The following PROSER2 variants were observed in gnomAD, a reference collection of about 807,000 sequenced individuals.
The protein encoded by PROSER2 is proline and serine-rich protein 2.
Under a neutral mutation model 14.6 loss-of-function variants are expected in PROSER2, and 18 were observed. That is an observed-to-expected ratio of 1.23 (90% CI 0.85 to 1.83). The LOEUF (loss-of-function observed/expected upper bound fraction) is 1.83. PROSER2 is among the 40% of genes most tolerant of loss of function. The probability of loss-of-function intolerance (pLI) is 0.00; values close to 1 mark genes in which losing one functional copy is unlikely to be tolerated. For synonymous variants in PROSER2, 367 were observed against 286.4 expected, an observed-to-expected ratio of 1.28 and a Z score of -2.84; for missense variants, 823 against 629.8, an observed-to-expected ratio of 1.31 and a Z score of -3.28.
Position 11,862,006 on chromosome 10 carries a change from C to T in PROSER2, c.139-4525C>T, listed in dbSNP as rs1252739631. On this transcript the variant is annotated intron_variant, in intron 2 of 3. Transcript: ENST00000277570. The surrounding 1 kb of genome is among the most constrained non-coding windows in gnomAD (Gnocchi z 4.2). Reference sequence around the variant, plus strand: ...AGCGCATCAGACTCCCTGGAGGCTGCGTCCAACACAGACTGACAGGCCCAG... The same window carrying T: ...AGCGCATCAGACTCCCTGGAGGCTGTGTCCAACACAGACTGACAGGCCCAG... 1.3e-5 allele frequency among the ~76,000 whole-genome samples: 2 copies of T among 152,230 alleles called. No individual in the cohort carries two copies. The highest frequency in any genetic ancestry group is 2.4e-5 in the African/African-American group (1 of 41,462).
At chr10:11,859,787 A>G (rs1252577444) in intron 2 of PROSER2, among the ~76,000 whole-genome samples, 1 of 152,214 alleles carries the variant, frequency 6.6e-6, no homozygotes, top group Non-Finnish European at 1.5e-5. Flanking sequence ...TATACATTCA[A>G]TGGCATTTAG....
At chr10:11,853,079 C>T (rs1408127663) in intron 2 of PROSER2, among the ~76,000 whole-genome samples, 5 of 152,078 alleles carry the variant, frequency 3.3e-5, no homozygotes, top group African/African-American at 7.2e-5. Flanking sequence ...AATGGTCCCC[C>T]GGGCCTCACT....
Position 11,862,047 on chromosome 10 carries a change from A to G in PROSER2, c.139-4484A>G, listed in dbSNP as rs1834251870. ...ACAGGCCCAGCGCCTGAGAGTTTCT[A>G]ATGCGGCAGGTCTGGGATCGGACCC... On this transcript the variant is annotated intron_variant, in intron 2 of 3. Transcript: ENST00000277570. This position sits in a 1 kb window ranked among gnomAD's most constrained non-coding sequence, Gnocchi z 4.2. 6.6e-6 allele frequency among the ~76,000 whole-genome samples: 1 copy of G among 152,200 alleles called. No homozygotes were observed. The highest frequency in any genetic ancestry group is 2.4e-5 in the African/African-American group (1 of 41,446).
intron 1 of PROSER2, among the ~76,000 whole-genome samples, chr10:11,834,423 C>T (rs71487596): frequency 0.23 from 34,408 of 151,666 alleles, 4,114 homozygotes; most frequent in South Asian, 0.31. Flanking sequence ...CTTGGCAGTA[C>T]AGATGAGGAA....
intron 2 of PROSER2, among the ~76,000 whole-genome samples, chr10:11,864,234 A>G (rs1192888051): frequency 1.3e-5 from 2 of 152,050 alleles, no homozygotes; most frequent in Non-Finnish European, 1.5e-5. Context: ...TTGAGCCCCC[A>G]TTGTCTCCCG....
Position 11,865,755 on chromosome 10 carries a change from C to T in PROSER2, c.139-776C>T, listed in dbSNP as rs1834331423. 6.6e-6 allele frequency among the ~76,000 whole-genome samples: 1 copy of T among 152,226 alleles called. No individual in the cohort carries two copies. Among genetic ancestry groups the T allele is most frequent in the Non-Finnish European group, 1.5e-5 (1 of 68,044 alleles). On this transcript the variant is annotated intron_variant, in intron 2 of 3. Coordinates refer to ENST00000277570, the MANE Select transcript of PROSER2 (RefSeq NM_153256.4). The surrounding 1 kb of genome is among the most constrained non-coding windows in gnomAD (Gnocchi z 4.2). ...CCGTCAGCTTTGCTCCGTGGCCCCA[C>T]TTCAGGGTTCCTCTGTCACCTTTTT... is the stretch of plus-strand genomic sequence containing the variant.
At position 11,842,931 on chromosome 10, in the gene PROSER2, C is replaced by CTTTT. The variant is rs558283551; in HGVS notation, c.-81-9042_-81-9039dup. On this transcript the variant is annotated intron_variant, in intron 1 of 3. Coordinates refer to ENST00000277570, the MANE Select transcript of PROSER2 (RefSeq NM_153256.4). Reference sequence around the variant, plus strand: ...TTTTCTATACTATTTTGCCATTGTTCTTTTTTTTTTTTTTTTTTTTTTTTT... The same window carrying CTTTT: ...TTTTCTATACTATTTTGCCATTGTTCTTTTTTTTTTTTTTTTTTTTTTTTTTTTT... 6.5e-4 allele frequency among the ~76,000 whole-genome samples: 34 copies of CTTTT among 51,954 alleles called. 6 individuals are homozygous for CTTTT. Among genetic ancestry groups the CTTTT allele is most frequent in the East Asian group, 1.1e-3 (2 of 1,900 alleles). 34.1% of individuals were successfully genotyped at this position (51,954 alleles called of 152,430 possible). A position where few individuals can be genotyped will look rare whatever the true frequency, so the allele number is the denominator to read the frequency against.
At chr10:11,832,046 T>C (rs539982203) in intron 1 of PROSER2, among the ~76,000 whole-genome samples, 27 of 152,236 alleles carry the variant, frequency 1.8e-4, no homozygotes, top group Non-Finnish European at 3.4e-4. Flanking sequence ...GCATGATCAT[T>C]CTTCCAGGAA....
In PROSER2 at chr10:11,869,534, A is replaced by C. The variant is rs1834420819; in HGVS notation, c.436A>C (p.Thr146Pro). 1 of 1,612,072 alleles carries C rather than the reference A, an allele frequency of 6.2e-7. No individual in the cohort carries two copies. Among genetic ancestry groups the C allele is most frequent in the African/African-American group, 1.3e-5 (1 of 74,258 alleles). ...GKEHRKQDAE[T>P]PPPPDPPAPE... ...GGAGCACAGGAAACAAGATGCTGAG[A>C]CTCCTCCACCTCCAGACCCCCCGGC... Residue 146 changes from threonine (T) to proline (P), a missense_variant, in exon 4 of 4, where the codon ACT (threonine) becomes CCT (proline). By Grantham distance (38) the Thr-to-Pro change is conservative. Coordinates refer to ENST00000277570, the MANE Select transcript of PROSER2 (RefSeq NM_153256.4). This position sits in a 1 kb window ranked among gnomAD's most constrained non-coding sequence, Gnocchi z 4.4.
At position 11,870,492 on chromosome 10, in the gene PROSER2, T is replaced by C. The variant is rs1834464321; in HGVS notation, c.*86T>C. The C allele has an allele frequency of 6.7e-6, 8 of 1,197,848 alleles. No individual in the cohort carries two copies. In the South Asian group the frequency reaches 1.5e-4, roughly 23 times the overall value. The allele number at this position is 1,197,848 out of a possible 1,614,324, so 74.2% of individuals were successfully genotyped here. A position where few individuals can be genotyped will look rare whatever the true frequency, so the allele number is the denominator to read the frequency against. On this transcript the variant is annotated 3_prime_UTR_variant, in exon 4 of 4. Transcript: ENST00000277570. ...CGCTGCACCCAGGAGCTGTTTGGTC[T>C]AAAATGGAAGTGACAGCGGGAGCCC...
At chr10:11,839,876 A>C (rs1833812576) in intron 1 of PROSER2, among the ~76,000 whole-genome samples, 1 of 151,838 alleles carries the variant, frequency 6.6e-6, no homozygotes, top group Non-Finnish European at 1.5e-5. Flanking sequence ...TGGTGAAAAT[A>C]GGAATGATTT....
rs148128731 is a variant in PROSER2, at chr10:11,866,743, C to T, written c.351C>T (p.Ala117=). ...VIDLVQPAPG[A]GEAEGLPEGT... ...ACTTAGTGCAGCCAGCACCTGGCGC[C>T]GGGGAAGCCGAGGGCCTTCCAGAGG... Residue 117 remains alanine, a synonymous_variant, in exon 3 of 4, where the codon GCC becomes GCT. Transcript: ENST00000277570. The surrounding 1 kb of genome is among the most constrained non-coding windows in gnomAD (Gnocchi z 6.0). 233 of 1,613,032 alleles carry T rather than the reference C, an allele frequency of 1.4e-4. No homozygotes were observed. Among genetic ancestry groups the T allele is most frequent in the East Asian group, 8.7e-4 (39 of 44,880 alleles).
At chr10:11,860,562 C>T (rs1333015838) in intron 2 of PROSER2, among the ~76,000 whole-genome samples, 2 of 151,868 alleles carry the variant, frequency 1.3e-5, no homozygotes, top group Non-Finnish European at 2.9e-5. Flanking sequence ...TTGCAGTGAG[C>T]CAAGATCGTG....
chr10:11,854,213 C>T (rs1834080507), intron 2 of PROSER2, among the ~76,000 whole-genome samples: 2 of 152,226 alleles, frequency 1.3e-5, no homozygotes, highest in Admixed American at 6.5e-5. Context: ...GCTAAGTTTA[C>T]TTGTCATCTT....
chr10:11,848,711 C>A (rs574631234), intron 1 of PROSER2, among the ~76,000 whole-genome samples: 1 of 152,226 alleles, frequency 6.6e-6, no homozygotes, highest in Non-Finnish European at 1.5e-5. Flanking sequence ...CTCATCCCCC[C>A]AGTTTGCACC....
At chr10:11,825,043 A>C (rs12413183) in intron 1 of PROSER2, among the ~76,000 whole-genome samples, 17 of 152,334 alleles carry the variant, frequency 1.1e-4, no homozygotes, top group Admixed American at 1.1e-3. Context: ...CAAACTGATT[A>C]AAACCAGATC....
chr10:11,852,041 T>G lies in PROSER2; in HGVS notation c.-37T>G, dbSNP rs1191926319. 6.4e-7 allele frequency: 1 copy of G among 1,565,060 alleles called. No homozygotes were observed. The highest frequency in any genetic ancestry group is 2.3e-5 in the East Asian group (1 of 43,684). ...AATGGGCTGCTGGCTCCTGCCCTGCTTCCTGTGATCGAGCCGGCCCTGAGG... is the reference window on the plus strand; with the variant it reads ...AATGGGCTGCTGGCTCCTGCCCTGCGTCCTGTGATCGAGCCGGCCCTGAGG... On this transcript the variant is annotated 5_prime_UTR_variant, in exon 2 of 4. Coordinates refer to ENST00000277570, the MANE Select transcript of PROSER2 (RefSeq NM_153256.4).
In PROSER2 at chr10:11,856,412, G is replaced by A. The variant is rs533226748; in HGVS notation, c.138+4197G>A. On this transcript the variant is annotated intron_variant, in intron 2 of 3. Coordinates refer to ENST00000277570, the MANE Select transcript of PROSER2 (RefSeq NM_153256.4). This position sits in a 1 kb window ranked among gnomAD's most constrained non-coding sequence, Gnocchi z 5.3. Reference sequence around the variant, plus strand: ...AGTCGGGTCTGCCTTCACACATCCCGAAGCTTCCTCTAGAAGAAATAGGAT... The same window carrying A: ...AGTCGGGTCTGCCTTCACACATCCCAAAGCTTCCTCTAGAAGAAATAGGAT... Among the ~76,000 whole-genome samples the A allele has an allele frequency of 2.0e-5, 3 of 152,304 alleles. No homozygotes were observed. The highest frequency in any genetic ancestry group is 2.1e-4 in the South Asian group (1 of 4,828).
In PROSER2 at chr10:11,870,607, G is replaced by C. The variant is rs894857839; in HGVS notation, c.*201G>C. ...CGCAAGCTCCAGCCACCGGCACAGA[G>C]AACTCTTCCCTAAAGGAATCTGGCC... On this transcript the variant is annotated 3_prime_UTR_variant, in exon 4 of 4. Transcript: ENST00000277570. 2.1e-6 allele frequency: 1 copy of C among 481,096 alleles called. No homozygotes were observed. Among genetic ancestry groups the C allele is most frequent in the Non-Finnish European group, 3.7e-6 (1 of 267,786 alleles). The allele number at this position is 481,096 out of a possible 1,614,324, so 29.8% of individuals were successfully genotyped here. A position where few individuals can be genotyped will look rare whatever the true frequency, so the allele number is the denominator to read the frequency against.
Sources: gnomAD v4.1 joint callset for allele counts (sites outside exome capture counted in the v4.1 genomes callset) on GRCh38, gnomAD v4.1.1 for gene constraint, Gnocchi (gnomAD v3.1) non-coding constraint, MANE v1.5 for transcripts, NCBI Gene and HGNC (gene_info 2026-07-23, HGNC 2026-07-21) for gene names.